Variants in ABR observed in about 807,000 individuals in gnomAD.
ABR encodes ABR activator of RhoGEF and GTPase, also known as active breakpoint cluster region-related protein.
Under a neutral mutation model 107.2 loss-of-function variants are expected in ABR, and 35 were observed. The observed-to-expected ratio is 0.33, with a 90% CI of 0.25 to 0.43. The LOEUF is 0.43. Ranked by LOEUF, ABR falls within the 20% of genes least tolerant of loss-of-function variation. ABR has a pLI of 1.00. For missense variants in ABR, 815 were observed against 1,115.2 expected (o/e 0.73, Z 3.83); for synonymous variants, 498 against 462.0 (o/e 1.08, Z -1.00).
At chr17:1,022,120 A>AAAAAAAAAAACAAAAAC (rs56033950) in intron 16 of ABR, among the ~76,000 whole-genome samples, 26 of 118,398 alleles carry the variant, frequency 2.2e-4, no homozygotes, top group African/African-American at 8.4e-4. Flanking sequence ...AAAAAAAAAA[A>AAAAAAAAAAACAAAAAC]AAAAACAGAA....
intron 2 of ABR, among the ~76,000 whole-genome samples, chr17:1,110,945 G>T (rs907404409): frequency 6.6e-6 from 1 of 152,156 alleles, no homozygotes; most frequent in African/African-American, 2.4e-5. Flanking sequence ...CATTTGGTGC[G>T]GGCGGGTGAG....
chr17:1,026,599 G>T (rs1324962469), intron 16 of ABR, among the ~76,000 whole-genome samples: 2 of 152,160 alleles, frequency 1.3e-5, no homozygotes, highest in Non-Finnish European at 2.9e-5. Flanking sequence ...CCTCTCCAGG[G>T]CCCATCCTGG....
chr17:1,040,496 G>A (rs369439710), intron 16 of ABR, among the ~76,000 whole-genome samples: 25 of 152,338 alleles, frequency 1.6e-4, no homozygotes, highest in African/African-American at 5.8e-4. Flanking sequence ...TGACTTCCCC[G>A]CCCCTGCTAT....
At chr17:1,085,779 T>C (rs1230066697) in intron 4 of ABR, among the ~76,000 whole-genome samples, 10 of 152,216 alleles carry the variant, frequency 6.6e-5, no homozygotes, top group Admixed American at 6.5e-4. Flanking sequence ...GTTCAAATAA[T>C]ATTTGGATCT....
chr17:1,185,203 C>G (rs949218026), intron 1 of ABR: 1 of 152,194 alleles, frequency 6.6e-6, no homozygotes, highest in African/African-American at 2.4e-5. Flanking sequence ...AAAACCATAT[C>G]TACTACAGCA....
intron 1 of ABR, among the ~76,000 whole-genome samples, chr17:1,145,771 C>T (rs957435703): frequency 1.3e-5 from 2 of 152,210 alleles, no homozygotes; most frequent in Non-Finnish European, 2.9e-5. Flanking sequence ...TGCCTTCCAC[C>T]CCAGGGTGCC....
intron 14 of ABR, among the ~76,000 whole-genome samples, chr17:1,053,905 C>T (rs917496603): frequency 3.3e-5 from 5 of 152,136 alleles, no homozygotes; most frequent in Non-Finnish European, 7.4e-5. Flanking sequence ...AGCTCCTCAG[C>T]GGCAGCCCCC....
At chr17:1,215,883 C>A (rs2042993858) in intron 1 of ABR, among the ~76,000 whole-genome samples, 1 of 148,664 alleles carries the variant, frequency 6.7e-6, no homozygotes, top group Non-Finnish European at 1.5e-5. Flanking sequence ...ACCCCCAACC[C>A]CCGTGCTCTC....
At chr17:1,058,718 C>G (rs764187356) in intron 11 of ABR, 27 bp downstream of exon 11, 5 of 1,612,542 alleles carry the variant, frequency 3.1e-6, no homozygotes, top group Non-Finnish European at 2.5e-6. Context: ...AAGGGGCTGT[C>G]TTGGTCCCAC....
At chr17:1,021,707 G>C (rs1357204754) in intron 16 of ABR, among the ~76,000 whole-genome samples, 1 of 152,060 alleles carries the variant, frequency 6.6e-6, no homozygotes, top group Non-Finnish European at 1.5e-5. Flanking sequence ...GGGAGGCTGA[G>C]GCAGGAGAAT....
At chr17:1,209,787 CTGTTT>C (rs1452950797) in intron 1 of ABR, among the ~76,000 whole-genome samples, 1 of 152,218 alleles carries the variant, frequency 6.6e-6, no homozygotes, top group Admixed American at 6.5e-5. Context: ...GATAATTATA[CTGTTT>C]TGTTGACCTT....
chr17:1,193,227 CT>C (rs1301153562), intron 1 of ABR, among the ~76,000 whole-genome samples: 2 of 151,970 alleles, frequency 1.3e-5, no homozygotes, highest in South Asian at 2.1e-4. Context: ...GAATTAGCAG[CT>C]TTTCTTAGAT....
intron 16 of ABR, among the ~76,000 whole-genome samples, chr17:1,042,772 GAT>G (rs2030862815): frequency 6.7e-6 from 1 of 150,254 alleles, no homozygotes; most frequent in South Asian, 2.1e-4. Context: ...TGGATAAACA[GAT>G]GTGGCACCTA....
intron 1 of ABR, among the ~76,000 whole-genome samples, chr17:1,176,366 G>C (rs2041918893): frequency 6.6e-6 from 1 of 152,218 alleles, no homozygotes; most frequent in Non-Finnish European, 1.5e-5. Flanking sequence ...CCAAGACCTT[G>C]AATAAACTCA....
intron 2 of ABR, among the ~76,000 whole-genome samples, chr17:1,106,815 C>T (rs1205137313): frequency 6.6e-6 from 1 of 152,222 alleles, no homozygotes; most frequent in African/African-American, 2.4e-5. Flanking sequence ...CAGGCGTGTG[C>T]CACCGCATCT....
rs139244649 is a variant in ABR, at chr17:1,025,283, A to G, written c.1792-12119T>C. ...TGCACTCCAGCCTGGGCGACACAGCAAGACTCTGTCTCAAAACAACAACAG... is the reference window on the plus strand; with the variant it reads ...TGCACTCCAGCCTGGGCGACACAGCGAGACTCTGTCTCAAAACAACAACAG... On this transcript the variant is annotated intron_variant, in intron 16 of 22. Coordinates refer to ENST00000302538, the MANE Select transcript of ABR (RefSeq NM_021962.5). Among the ~76,000 whole-genome samples, 1,001 of 152,036 alleles carry G rather than the reference A, an allele frequency of 6.6e-3. 10 individuals carry two copies. The highest frequency in any genetic ancestry group is 0.022 in the African/African-American group (892 of 41,470).
intron 7 of ABR, 111 bp downstream of exon 7, chr17:1,073,514 C>A: frequency 2.3e-6 from 2 of 878,670 alleles, no homozygotes; most frequent in South Asian, 7.8e-5. Context: ...CCTAGGAACC[C>A]CTGATTCCCC....
intron 16 of ABR, among the ~76,000 whole-genome samples, chr17:1,033,544 G>T (rs2150931561): frequency 6.6e-6 from 1 of 152,340 alleles, no homozygotes; most frequent in East Asian, 1.9e-4. Flanking sequence ...TCTGGCCCTG[G>T]ACTATCTTCC....
intron 1 of ABR, among the ~76,000 whole-genome samples, chr17:1,131,129 TCCC>T (rs200285538): frequency 1.3e-5 from 1 of 74,574 alleles, no homozygotes; most frequent in African/African-American, 5.8e-5. Context: ...CGCGCACAGC[TCCC>T]CCCTCTTTGC....
Sources: allele counts gnomAD v4.1 joint callset (sites outside exome capture counted in the v4.1 genomes callset), GRCh38; gene constraint gnomAD v4.1.1; transcripts MANE v1.5; gene names NCBI Gene and HGNC (gene_info 2026-07-23, HGNC 2026-07-21).